The following GPHN variants were observed in gnomAD, a reference collection of about 807,000 sequenced individuals.
GPHN encodes gephyrin.
Under a neutral mutation model 95.5 loss-of-function variants are expected in GPHN, and 17 were observed. The observed-to-expected ratio is 0.18, with a 90% CI of 0.12 to 0.27. The LOEUF is 0.27. GPHN is among the 10% of genes least tolerant of loss of function. The probability of loss-of-function intolerance (pLI) is 1.00; values close to 1 mark genes in which losing one functional copy is unlikely to be tolerated. For missense variants in GPHN, 660 were observed against 978.1 expected, an observed-to-expected ratio of 0.67 and a Z score of 4.34; for synonymous variants, 320 against 322.5, an observed-to-expected ratio of 0.99 and a Z score of 0.08.
chr14:66,906,732 A>G (rs764819715), intron 5 of GPHN, among the ~76,000 whole-genome samples: 2 of 152,150 alleles, frequency 1.3e-5, no homozygotes. Flanking sequence ...TCTTTGATCC[A>G]TAGATTATTC....
At chr14:66,704,762 G>A (rs986835063) in intron 2 of GPHN, among the ~76,000 whole-genome samples, 5 of 152,024 alleles carry the variant, frequency 3.3e-5, no homozygotes, top group South Asian at 2.1e-4. Context: ...AGCTAGAGAC[G>A]CAAGAGCAAA....
At chr14:67,247,724 A>G in the GPHN span, among the ~76,000 whole-genome samples, 1 of 152,022 alleles carries the variant, frequency 6.6e-6, no homozygotes, top group Non-Finnish European at 1.5e-5. Context: ...ACCTACTGCA[A>G]GTGCCACTAT....
chr14:67,010,351 C>T (rs1054418090), intron 9 of GPHN, among the ~76,000 whole-genome samples: 2 of 151,300 alleles, frequency 1.3e-5, no homozygotes, highest in African/African-American at 2.4e-5. Flanking sequence ...GATATCGAGA[C>T]CATCCTGGCC....
chr14:67,201,808 A>G, the GPHN span: 2 of 263,320 alleles, frequency 7.6e-6, no homozygotes, highest in Non-Finnish European at 1.5e-5. Context: ...TTTTAATTGA[A>G]CCAATTATCA....
the GPHN span, chr14:67,467,172 G>A: frequency 6.6e-6 from 1 of 152,100 alleles, no homozygotes. Context: ...ACGTTGTAAT[G>A]TTATGGGCTT....
intron 21 of GPHN, among the ~76,000 whole-genome samples, chr14:67,174,056 C>T (rs1474646516): frequency 4.6e-5 from 7 of 152,174 alleles, no homozygotes; most frequent in African/African-American, 1.4e-4. Flanking sequence ...GTAAGACTTA[C>T]GAGCCATCAT....
chr14:67,158,170 A>G (rs111894901), intron 18 of GPHN, among the ~76,000 whole-genome samples: 9,993 of 151,370 alleles, frequency 0.066, 349 homozygotes, highest in Middle Eastern at 0.085. Context: ...AGCTGGGCGT[A>G]GTGGTGCATG....
chr14:67,079,830 C>G (rs1338317846), intron 11 of GPHN, among the ~76,000 whole-genome samples: 1 of 151,974 alleles, frequency 6.6e-6, no homozygotes, highest in African/African-American at 2.4e-5. Flanking sequence ...ATTGTTTATT[C>G]ATTCACCTAT....
At chr14:67,301,336 C>T in the GPHN span, 2 of 1,165,686 alleles carry the variant, frequency 1.7e-6, no homozygotes, top group Non-Finnish European at 1.3e-6. Flanking sequence ...CATACAGGTG[C>T]TACTGATACT....
At chr14:67,331,593 ATT>A in the GPHN span, among the ~76,000 whole-genome samples, 2 of 152,084 alleles carry the variant, frequency 1.3e-5, no homozygotes, top group African/African-American at 4.8e-5. Flanking sequence ...GAGCTAAAAC[ATT>A]TTGTTTCATC....
At position 67,177,172 on chromosome 14, in the gene GPHN, G is replaced by C. The variant is rs148448597; in HGVS notation, c.2080-2406G>C. Among the ~76,000 whole-genome samples the C allele has an allele frequency of 3.3e-5, 5 of 152,154 alleles. No homozygotes were observed. The East Asian group carries it at 9.6e-4, about 29-fold the overall frequency. ...CTAGTTCTTTAAACTGTGATGTTAG[G>C]ATGTCGATTTTAGATCTTTCCTGCT... On this transcript the variant is annotated intron_variant, in intron 21 of 22. Transcript: ENST00000478722.
chr14:67,244,690 T>C, the GPHN span, among the ~76,000 whole-genome samples: 2 of 152,230 alleles, frequency 1.3e-5, no homozygotes, highest in Non-Finnish European at 2.9e-5. Flanking sequence ...TGTGTAAACC[T>C]AAGTTTTTGT....
At chr14:66,851,551 A>G (rs1382756036) in intron 4 of GPHN, among the ~76,000 whole-genome samples, 2 of 152,168 alleles carry the variant, frequency 1.3e-5, no homozygotes, top group Non-Finnish European at 2.9e-5. Flanking sequence ...ATTGTATAAT[A>G]CAGCTATATT....
At chr14:66,592,809 AAAGG>A (rs1218007174) in intron 1 of GPHN, among the ~76,000 whole-genome samples, 43 of 152,244 alleles carry the variant, frequency 2.8e-4, no homozygotes, top group Non-Finnish European at 1.0e-4. Context: ...GTATATACCC[AAAGG>A]ATTATAAATC....
the GPHN span, chr14:67,593,911 T>G: frequency 6.2e-7 from 1 of 1,613,274 alleles, no homozygotes; most frequent in African/African-American, 1.3e-5. Context: ...CAAGCAGACC[T>G]AAGAGGGTGA....
the GPHN span, among the ~76,000 whole-genome samples, chr14:67,266,032 TC>T: frequency 6.6e-6 from 1 of 152,046 alleles, no homozygotes; most frequent in Non-Finnish European, 1.5e-5. Context: ...TGTCTCAAAC[TC>T]CTGGTCTCAG....
At chr14:66,763,186 T>TA (rs2058822999) in intron 2 of GPHN, among the ~76,000 whole-genome samples, 1 of 151,608 alleles carries the variant, frequency 6.6e-6, no homozygotes, top group Non-Finnish European at 1.5e-5. Flanking sequence ...ATAAAAGTAA[T>TA]AAAAAATACC....
chr14:67,587,555 G>C, the GPHN span: 1 of 358,368 alleles, frequency 2.8e-6, no homozygotes, highest in South Asian at 2.5e-5. Flanking sequence ...ATAAGTTAAG[G>C]CTTTCTGCAC....
intron 5 of GPHN, among the ~76,000 whole-genome samples, chr14:66,893,512 G>A (rs768131653): frequency 6.6e-6 from 1 of 152,188 alleles, no homozygotes; most frequent in Non-Finnish European, 1.5e-5. Flanking sequence ...ATTCTGGCCA[G>A]GGCAATCAGG....
Sources: gnomAD v4.1 joint callset for allele counts (sites outside exome capture counted in the v4.1 genomes callset) on GRCh38, gnomAD v4.1.1 for gene constraint, MANE v1.5 for transcripts, NCBI Gene and HGNC (gene_info 2026-07-23, HGNC 2026-07-21) for gene names.